The following SLC45A1 variants were observed in gnomAD, a reference collection of about 807,000 sequenced individuals.
SLC45A1 encodes the protein proton-associated sugar transporter A.
In SLC45A1, 28 loss-of-function variants were observed where a neutral mutation model predicts 57.6. That is an observed-to-expected ratio of 0.49 (90% CI 0.36 to 0.67). SLC45A1 has a LOEUF of 0.67. SLC45A1 is among the 30% of genes least tolerant of loss of function. SLC45A1 has a pLI of 0.00. For synonymous variants in SLC45A1, 459 were observed against 471.5 expected (o/e 0.97, Z 0.34); for missense variants, 814 against 1,041.5 (o/e 0.78, Z 3.01).
At position 8,339,633 on chromosome 1, in the gene SLC45A1, A is replaced by G. The variant is rs766112683; in HGVS notation, c.1915A>G (p.Ile639Val). 1.2e-6 allele frequency: 2 copies of G among 1,614,110 alleles called. No homozygotes were observed. Among genetic ancestry groups the G allele is most frequent in the South Asian group, 2.2e-5 (2 of 91,080 alleles). ...CCTGTCGCTCTGCATAACCTACGGG[A>G]TTTTATTTTCCACCCTGTGCACCTT... is the stretch of plus-strand genomic sequence containing the variant. ...VVLSLCITYG[I>V]LFSTLCTLPY... Residue 639 changes from isoleucine (I) to valine (V), a missense_variant, in exon 8 of 9, where the codon ATT becomes GTT. Transcript: ENST00000471889.
Position 8,339,703 on chromosome 1 carries a change from G to A in SLC45A1, c.1980+5G>A. 3 of 1,613,324 alleles carry A rather than the reference G, an allele frequency of 1.9e-6. No individual in the cohort carries two copies. Among genetic ancestry groups the A allele is most frequent in the Non-Finnish European group, 2.5e-6 (3 of 1,179,268 alleles). ...GATTACTATCAGAGTAAGAAGGTAA[G>A]TGCTCTCCCTTGTCTTGCTTCGGGT... On this transcript the variant is annotated splice_donor_5th_base_variant and intron_variant, in intron 8 of 8. Transcript: ENST00000471889.
In SLC45A1 at chr1:8,318,195, G is replaced by A. The variant is rs1285514072; in HGVS notation, c.-25+9G>A. 2 of 428,754 alleles carry A rather than the reference G, an allele frequency of 4.7e-6. No homozygotes were observed. The highest frequency in any genetic ancestry group is 7.6e-5 in the South Asian group (1 of 13,144). The allele number at this position is 428,754 out of a possible 1,614,324, so 26.6% of individuals were successfully genotyped here. ...GCCGTCTCCACCCACAGGTACCACC[G>A]TCTCCTCCGCGCCCTCCGCCCGCTC... On this transcript the variant is annotated intron_variant, in intron 1 of 8. Coordinates refer to ENST00000471889, the MANE Select transcript of SLC45A1 (RefSeq NM_001080397.3).
chr1:8,331,941 C>G (rs192354353), intron 5 of SLC45A1, among the ~76,000 whole-genome samples: 1 of 152,040 alleles, frequency 6.6e-6, no homozygotes, highest in Non-Finnish European at 1.5e-5. Context: ...TACAGGCGCC[C>G]GCCACCACTC....
In SLC45A1 at chr1:8,326,732, A is replaced by G. The variant is rs945301480; in HGVS notation, c.715+690A>G. On this transcript the variant is annotated intron_variant, in intron 4 of 8. Transcript: ENST00000471889. The surrounding 1 kb of genome is among the most constrained non-coding windows in gnomAD (Gnocchi z 5.5). The stretch of plus-strand genomic sequence containing the variant: ...AGTGGCTCATGCCTGTAATCCCAGC[A>G]CTTTGGGAGGGTGAGGTGGGTGGAT... 6.6e-6 allele frequency among the ~76,000 whole-genome samples: 1 copy of G among 152,216 alleles called. No individual in the cohort carries two copies. Among genetic ancestry groups the G allele is most frequent in the East Asian group, 1.9e-4 (1 of 5,186 alleles).
At chr1:8,340,967 T>C (rs1231338758) in intron 8 of SLC45A1, among the ~76,000 whole-genome samples, 1 of 151,258 alleles carries the variant, frequency 6.6e-6, no homozygotes, top group African/African-American at 2.4e-5. Flanking sequence ...CTGAGGTGGG[T>C]GGATCACGAG....
rs1640231712 is a variant in SLC45A1 at position 8,327,205 on chromosome 1, C to A, written c.715+1163C>A. ...GGTGAATTCACAAATACAGAATCTA[C>A]AGATAATGAGGATTGAGTGTGTGTG... is the stretch of plus-strand genomic sequence containing the variant. On this transcript the variant is annotated intron_variant, in intron 4 of 8. Transcript: ENST00000471889. This position sits in a 1 kb window ranked among gnomAD's most constrained non-coding sequence, Gnocchi z 4.3. 6.6e-6 allele frequency among the ~76,000 whole-genome samples: 1 copy of A among 151,982 alleles called. No homozygotes were observed. Among genetic ancestry groups the A allele is most frequent in the East Asian group, 1.9e-4 (1 of 5,198 alleles).
chr1:8,319,333 C>A (rs1639920768), intron 1 of SLC45A1, among the ~76,000 whole-genome samples: 1 of 152,152 alleles, frequency 6.6e-6, no homozygotes, highest in African/African-American at 2.4e-5. Context: ...CAAGGCAACC[C>A]CGTGGGGGGA....
At chr1:8,318,274 C>G (rs560961518) in intron 1 of SLC45A1, 88 bp downstream of exon 1, 1 of 406,512 alleles carries the variant, frequency 2.5e-6, no homozygotes, top group African/African-American at 2.1e-5. Flanking sequence ...GTAGTCAGGG[C>G]GCCGAGACCG....
chr1:8,343,261 G>C lies in SLC45A1; in HGVS notation c.1981-486G>C, dbSNP rs962730896. 6.6e-6 allele frequency among the ~76,000 whole-genome samples: 1 copy of C among 152,228 alleles called. No homozygotes were observed. The highest frequency in any genetic ancestry group is 2.4e-5 in the African/African-American group (1 of 41,462). On this transcript the variant is annotated intron_variant, in intron 8 of 8. Transcript: ENST00000471889. This position sits in a 1 kb window ranked among gnomAD's most constrained non-coding sequence, Gnocchi z 7.7. ...CCACTGTCCCCCAGCATGGCATGCA[G>C]GGGAGGGAGAGTGAGTGACGTGCCC...
rs1185313391 is a variant in SLC45A1 at position 8,325,721 on chromosome 1, A to C, written c.491-97A>C. On this transcript the variant is annotated intron_variant, in intron 3 of 8. Transcript: ENST00000471889. This position sits in a 1 kb window ranked among gnomAD's most constrained non-coding sequence, Gnocchi z 6.3. ...TGTGCTTGAGGTTTAAGTTTTAAAA[A>C]TTCTTGAGTCCTAAAGATTCTAGAC... 1.7e-6 allele frequency: 2 copies of C among 1,181,212 alleles called. No homozygotes were observed. The highest frequency in any genetic ancestry group is 2.4e-6 in the Non-Finnish European group (2 of 840,336). 73.2% of individuals were successfully genotyped at this position (1,181,212 alleles called of 1,614,324 possible).
At position 8,318,176 on chromosome 1, in the gene SLC45A1, T is replaced by C; in HGVS notation, c.-35T>C. ...AGCGGGGACAGGGATGCCTGCCGTC[T>C]CCACCCACAGGTACCACCGTCTCCT... On this transcript the variant is annotated 5_prime_UTR_variant, in exon 1 of 9. Coordinates refer to ENST00000471889, the MANE Select transcript of SLC45A1 (RefSeq NM_001080397.3). 2.3e-6 allele frequency: 1 copy of C among 443,620 alleles called. No homozygotes were observed. Among genetic ancestry groups the C allele is most frequent in the Non-Finnish European group, 4.1e-6 (1 of 241,932 alleles). The allele number at this position is 443,620 out of a possible 1,614,324, so 27.5% of individuals were successfully genotyped here. A position where few individuals can be genotyped will look rare whatever the true frequency, so the allele number is the denominator to read the frequency against.
Position 8,335,427 on chromosome 1 carries a change from C to G in SLC45A1, c.1444-10C>G. On this transcript the variant is annotated splice_polypyrimidine_tract_variant and intron_variant, in intron 5 of 8. Coordinates refer to ENST00000471889, the MANE Select transcript of SLC45A1 (RefSeq NM_001080397.3). The surrounding 1 kb of genome is among the most constrained non-coding windows in gnomAD (Gnocchi z 4.1). ...GGGGCTCTGATGAGGGGTTTGTGGG[C>G]TCTTCCCAGGTGGCCAATATCCTGC... 9 of 1,577,888 alleles carry G rather than the reference C, an allele frequency of 5.7e-6. 1 individual carries two copies. In the South Asian group the frequency reaches 1.0e-4, roughly 18 times the overall value.
chr1:8,339,431 G>A, intron 7 of SLC45A1, 62 bp from the exon 8 acceptor site: 1 of 1,551,414 alleles, frequency 6.4e-7, no homozygotes, highest in South Asian at 1.1e-5. Flanking sequence ...AGGTGGCACT[G>A]GAAGCTGAAT....
rs1326118389 is a variant in SLC45A1 at position 8,328,346 on chromosome 1, A to G, written c.716-1863A>G. On this transcript the variant is annotated intron_variant, in intron 4 of 8. Transcript: ENST00000471889. The surrounding 1 kb of genome is among the most constrained non-coding windows in gnomAD (Gnocchi z 4.6). ...TGGCGCAAATGGCTCTACTTCCACA[A>G]GCCTCGGTCGCATCTCCTGGAAAAT... Among the ~76,000 whole-genome samples, 1 of 152,180 alleles carries G rather than the reference A, an allele frequency of 6.6e-6. No homozygotes were observed. Among genetic ancestry groups the G allele is most frequent in the African/African-American group, 2.4e-5 (1 of 41,436 alleles).
Position 8,330,929 on chromosome 1 carries a change from G to A in SLC45A1, c.1436G>A (p.Ser479Asn), listed in dbSNP as rs1476042355. 2 of 1,587,856 alleles carry A rather than the reference G, an allele frequency of 1.3e-6. No homozygotes were observed. The highest frequency in any genetic ancestry group is 8.6e-7 in the Non-Finnish European group (1 of 1,163,018). Residue 479 changes from serine (S) to asparagine (N), a missense_variant, in exon 5 of 9, where the codon AGT becomes AAT. Ser to Asn is a conservative substitution (Grantham distance 46). Transcript: ENST00000471889. The surrounding 1 kb of genome is among the most constrained non-coding windows in gnomAD (Gnocchi z 8.4). ...AGCAGGAGAAGGAATGTGACCTTCAGTCAGCAGGTAACAGCAAATGTCGGG... is the reference window on the plus strand; with the variant it reads ...AGCAGGAGAAGGAATGTGACCTTCAATCAGCAGGTAACAGCAAATGTCGGG... ...ETSRRRNVTF[S>N]QQVANILLNG... is the part of the protein sequence containing the mutation.
chr1:8,321,393 T>C (rs201949943), intron 1 of SLC45A1, among the ~76,000 whole-genome samples: 1 of 151,080 alleles, frequency 6.6e-6, no homozygotes, highest in African/African-American at 2.4e-5. Context: ...CACCTTGGAA[T>C]AAAACCCATC....
At chr1:8,319,918 A>T (rs920124320) in intron 1 of SLC45A1, among the ~76,000 whole-genome samples, 4 of 152,190 alleles carry the variant, frequency 2.6e-5, no homozygotes, top group Non-Finnish European at 5.9e-5. Flanking sequence ...GGGTTTCTCC[A>T]TGTTGGCCAG....
In SLC45A1 at chr1:8,330,778, G is replaced by A. The variant is rs540833665; in HGVS notation, c.1285G>A (p.Gly429Ser). The change falls in exon 5 of 9, where the codon GGC (glycine) becomes AGC (serine). Residue 429 changes from glycine (G) to serine (S), a missense_variant. By Grantham distance (56) the Gly-to-Ser change is moderately conservative. Transcript: ENST00000471889. This position sits in a 1 kb window ranked among gnomAD's most constrained non-coding sequence, Gnocchi z 8.4. ...LEGREGALTS[G>S]CDGDILRVGS... Reference sequence around the variant, plus strand: ...GGGCAGAGAGGGTGCCCTGACCTCCGGCTGTGACGGGGACATTCTGAGGGT... The same window carrying A: ...GGGCAGAGAGGGTGCCCTGACCTCCAGCTGTGACGGGGACATTCTGAGGGT... 47 of 1,613,452 alleles carry A rather than the reference G, an allele frequency of 2.9e-5. No individual in the cohort carries two copies. The East Asian group carries it at 4.2e-4, about 15-fold the overall frequency.
At position 8,335,483 on chromosome 1, in the gene SLC45A1, C is replaced by T. The variant is rs770352216; in HGVS notation, c.1490C>T (p.Thr497Met). 51 of 1,601,190 alleles carry T rather than the reference C, an allele frequency of 3.2e-5. No individual in the cohort carries two copies. In the South Asian group the frequency reaches 3.5e-4, roughly 11 times the overall value. ...LNGVKYESEL[T>M]GSSERAEQPL... Reference sequence around the variant, plus strand: ...GGCGTGAAGTATGAGAGCGAGCTGACGGGCTCCAGCGAGCGCGCGGAGCAG... The same window carrying T: ...GGCGTGAAGTATGAGAGCGAGCTGATGGGCTCCAGCGAGCGCGCGGAGCAG... The change falls in exon 6 of 9, where the codon ACG becomes ATG. Residue 497 changes from threonine to methionine, a missense_variant. Physicochemically the swap from Thr to Met is moderately conservative, Grantham distance 81. Transcript: ENST00000471889. This position sits in a 1 kb window ranked among gnomAD's most constrained non-coding sequence, Gnocchi z 4.1.
Sources: gnomAD v4.1 joint callset for allele counts (sites outside exome capture counted in the v4.1 genomes callset) on GRCh38, gnomAD v4.1.1 for gene constraint, Gnocchi (gnomAD v3.1) non-coding constraint, MANE v1.5 for transcripts, NCBI Gene and HGNC (gene_info 2026-07-23, HGNC 2026-07-21) for gene names.